SLCO1A2: variants seen among roughly 807,000 people sequenced by gnomAD.
The protein encoded by SLCO1A2 is OATP-1.
In SLCO1A2, 67 loss-of-function variants were observed where a neutral mutation model predicts 69.0. That is an observed-to-expected ratio of 0.97 (90% CI 0.80 to 1.19). The LOEUF is 1.19. SLCO1A2 is among the 50% of genes most tolerant of loss of function. SLCO1A2 has a pLI of 0.00. For missense variants in SLCO1A2, 787 were observed against 793.7 expected (o/e 0.99, Z 0.10); for synonymous variants, 260 against 265.9 (o/e 0.98, Z 0.22).
intron 1 of SLCO1A2, among the ~76,000 whole-genome samples, chr12:21,381,605 G>A (rs144939888): frequency 3.9e-4 from 60 of 152,128 alleles, no homozygotes; most frequent in African/African-American, 1.1e-3. Context: ...AGACCATTCC[G>A]GCCAACATGG....
At position 21,347,488 on chromosome 12, in the gene SLCO1A2, A is replaced by G. The variant is rs367669236; in HGVS notation, c.-62-12779T>C. On this transcript the variant is annotated intron_variant, in intron 2 of 15. Transcript: ENST00000307378. ...TGGTGAAACCCCCTCTCTACTAAAA[A>G]TACAAAAATTAGCCAGGCATGGTGG... Among the ~76,000 whole-genome samples the G allele has an allele frequency of 7.9e-5, 12 of 152,224 alleles. No individual in the cohort carries two copies. The East Asian group carries it at 1.4e-3, about 17-fold the overall frequency.
chr12:21,330,338 A>AAAATAAAT (rs151247881), intron 2 of SLCO1A2, among the ~76,000 whole-genome samples: 4 of 151,386 alleles, frequency 2.6e-5, no homozygotes, highest in African/African-American at 7.3e-5. Context: ...TAAATAATAC[A>AAAATAAAT]AAATAAATAA....
chr12:21,370,584 G>T (rs866565570), intron 2 of SLCO1A2, among the ~76,000 whole-genome samples: 1 of 149,504 alleles, frequency 6.7e-6, no homozygotes, highest in Non-Finnish European at 1.5e-5. Context: ...GCAGTGTTTC[G>T]ATAGAAGATT....
At chr12:21,301,709 A>C (rs375379448) in intron 6 of SLCO1A2, among the ~76,000 whole-genome samples, 3 of 152,306 alleles carry the variant, frequency 2.0e-5, no homozygotes, top group African/African-American at 7.2e-5. Flanking sequence ...CTGCAACTTG[A>C]AACTTCCTTC....
intron 2 of SLCO1A2, among the ~76,000 whole-genome samples, chr12:21,351,451 T>A (rs1281472001): frequency 6.6e-6 from 1 of 152,136 alleles, no homozygotes; most frequent in African/African-American, 2.4e-5. Flanking sequence ...GCATTTTTTT[T>A]AGATGCCTTA....
In SLCO1A2 at chr12:21,362,974, T is replaced by C. The variant is rs1248638551; in HGVS notation, c.-63+11425A>G. ...GACATTAACACCCCACTGTGAACAT[T>C]AGACAGATCAACAAGACAGAAAGTT... On this transcript the variant is annotated intron_variant, in intron 2 of 15. Coordinates refer to the SLCO1A2 transcript ENST00000307378. Among the ~76,000 whole-genome samples the C allele has an allele frequency of 3.9e-5, 6 of 152,128 alleles. No homozygotes were observed. In the East Asian group the frequency reaches 5.8e-4, roughly 15 times the overall value.
At chr12:21,378,382 G>A in intron 1 of SLCO1A2, 1 of 1,614,096 alleles carries the variant, frequency 6.2e-7, no homozygotes, top group Non-Finnish European at 8.5e-7. Context: ...GAGGAATGCA[G>A]TAGAGGTTTT....
At chr12:21,403,764 T>TA (rs1274303749) in intron 1 of SLCO1A2, 2 of 150,102 alleles carry the variant, frequency 1.3e-5, no homozygotes, top group South Asian at 2.1e-4. Flanking sequence ...AGTTAACTCT[T>TA]ACGTGGCTTT....
intron 12 of SLCO1A2, among the ~76,000 whole-genome samples, chr12:21,283,586 T>G (rs1945201565): frequency 6.6e-6 from 1 of 151,852 alleles, no homozygotes; most frequent in South Asian, 2.1e-4. Context: ...TCACATCAAG[T>G]TAAGAAGCTT....
upstream of SLCO1A2, among the ~76,000 whole-genome samples, chr12:21,336,311 A>T (rs1357654587): frequency 6.6e-6 from 1 of 152,062 alleles, no homozygotes; most frequent in Non-Finnish European, 1.5e-5. Context: ...GCCAGAGGGC[A>T]TAAAAGCTGG....
intron 3 of SLCO1A2, among the ~76,000 whole-genome samples, chr12:21,316,242 T>G (rs1465632733): frequency 2.6e-5 from 4 of 152,190 alleles, no homozygotes; most frequent in African/African-American, 9.7e-5. Flanking sequence ...GCCATTTTCT[T>G]CAGCCACTTA....
intron 2 of SLCO1A2, among the ~76,000 whole-genome samples, chr12:21,364,306 A>T (rs1358473624): frequency 2.0e-5 from 3 of 152,246 alleles, no homozygotes; most frequent in Non-Finnish European, 4.4e-5. Context: ...CCACATGATT[A>T]TCTCAATAGA....
At chr12:21,278,508 C>T (rs1354429165) in intron 12 of SLCO1A2, among the ~76,000 whole-genome samples, 1 of 152,142 alleles carries the variant, frequency 6.6e-6, no homozygotes, top group African/African-American at 2.4e-5. Flanking sequence ...GTGCATCACC[C>T]TACCCCCACT....
chr12:21,291,329 C>A (rs1946812555), intron 12 of SLCO1A2, among the ~76,000 whole-genome samples: 1 of 152,070 alleles, frequency 6.6e-6, no homozygotes, highest in Admixed American at 6.6e-5. Flanking sequence ...AAAGGAAATA[C>A]ATATTTAAGA....
intron 8 of SLCO1A2, among the ~76,000 whole-genome samples, chr12:21,299,912 G>A (rs1948444535): frequency 6.9e-6 from 1 of 145,388 alleles, no homozygotes; most frequent in African/African-American, 2.5e-5. Context: ...ATACGTGTGT[G>A]TATATATATA....
Position 21,375,680 on chromosome 12 carries a change from G to C in SLCO1A2, c.-189-1155C>G, listed in dbSNP as rs537649296. Among the ~76,000 whole-genome samples the C allele has an allele frequency of 8.5e-5, 13 of 152,304 alleles. No individual in the cohort carries two copies. The East Asian group carries it at 2.5e-3, about 29-fold the overall frequency. On this transcript the variant is annotated intron_variant, in intron 1 of 15. Coordinates refer to the SLCO1A2 transcript ENST00000307378. ...CTGCAGGAGCTCACATACTTCCACA[G>C]ATGAATGTTAAGGCTGAGAGCAGGG...
chr12:21,358,624 T>C (rs943654339), intron 2 of SLCO1A2, among the ~76,000 whole-genome samples: 1 of 152,290 alleles, frequency 6.6e-6, no homozygotes, highest in African/African-American at 2.4e-5. Flanking sequence ...GTTAATACTT[T>C]TCAATTTTTA....
chr12:21,419,324 G>C (rs140500153), upstream of SLCO1A2: 1,686 of 156,830 alleles, frequency 0.011, 35 homozygotes, highest in African/African-American at 0.038. Context: ...CATCTCACTA[G>C]GGAGTGTCAG....
intron 1 of SLCO1A2, among the ~76,000 whole-genome samples, chr12:21,394,696 G>C (rs1237133473): frequency 6.6e-6 from 1 of 152,020 alleles, no homozygotes; most frequent in Admixed American, 6.6e-5. Flanking sequence ...TGTGCACAGA[G>C]AAGAAAAAGT....
Sources: gnomAD v4.1 joint callset for allele counts (sites outside exome capture counted in the v4.1 genomes callset) on GRCh38, gnomAD v4.1.1 for gene constraint, MANE v1.5 for transcripts, NCBI Gene and HGNC (gene_info 2026-07-23, HGNC 2026-07-21) for gene names.